CUL3: variants seen among roughly 807,000 people sequenced by gnomAD.
CUL3 encodes the protein cullin 3.
A neutral mutation model predicts 89.1 loss-of-function variants in CUL3; 19 were observed. The observed-to-expected ratio is 0.21, with a 90% CI of 0.15 to 0.31. CUL3 has a LOEUF of 0.31. CUL3 is among the 10% of genes least tolerant of loss of function. The pLI, the probability that CUL3 is intolerant of heterozygous loss-of-function variation, is 1.00. For synonymous variants in CUL3, 351 were observed against 308.4 expected (o/e 1.14, Z -1.45); for missense variants, 469 against 942.3 (o/e 0.50, Z 6.58).
At chr2:224,520,535 C>T (rs1693223616) in intron 3 of CUL3, among the ~76,000 whole-genome samples, 1 of 152,204 alleles carries the variant, frequency 6.6e-6, no homozygotes, top group Non-Finnish European at 1.5e-5. Flanking sequence ...ACTTCCCTGC[C>T]AACAACTATA....
At chr2:224,518,213 A>G (rs975410072) in intron 3 of CUL3, among the ~76,000 whole-genome samples, 1 of 152,284 alleles carries the variant, frequency 6.6e-6, no homozygotes, top group Non-Finnish European at 1.5e-5. Context: ...CATTTCATAT[A>G]ATTATCCTGT....
chr2:224,567,198 G>A lies in CUL3; in HGVS notation c.67-9342C>T, dbSNP rs1695062328. The stretch of plus-strand genomic sequence containing the variant: ...GAAACTGCTCACACGAAGATGATTA[G>A]TCACAAGGTGTTTTTCTCTTTGTTT... On this transcript the variant is annotated intron_variant, in intron 1 of 15. Transcript: ENST00000264414. 3.3e-5 allele frequency among the ~76,000 whole-genome samples: 5 copies of A among 152,106 alleles called. No individual in the cohort carries two copies. The South Asian group carries it at 1.0e-3, about 32-fold the overall frequency.
At chr2:224,571,882 C>T (rs1372514656) in intron 1 of CUL3, among the ~76,000 whole-genome samples, 2 of 152,154 alleles carry the variant, frequency 1.3e-5, no homozygotes, top group African/African-American at 4.8e-5. Flanking sequence ...ATTTTTGGAG[C>T]TAGAATAAGC....
chr2:224,495,640 T>G (rs777180810), intron 13 of CUL3, 192 bp downstream of exon 13: 5 of 436,034 alleles, frequency 1.1e-5, no homozygotes, highest in Non-Finnish European at 2.0e-5. Flanking sequence ...AGTACTTCTA[T>G]AAAGTTAATT....
chr2:224,557,054 C>T (rs376996728), intron 2 of CUL3, among the ~76,000 whole-genome samples: 9 of 152,062 alleles, frequency 5.9e-5, no homozygotes, highest in African/African-American at 2.2e-4. Flanking sequence ...TAAAGCAAGG[C>T]ATTGTAATAA....
intron 1 of CUL3, 96 bp from the exon 2 acceptor site, chr2:224,557,952 T>C: frequency 1.5e-6 from 1 of 677,178 alleles, no homozygotes; most frequent in Non-Finnish European, 2.4e-6. Context: ...TAGTAAATAT[T>C]GTATTATATA....
intron 13 of CUL3, among the ~76,000 whole-genome samples, chr2:224,492,857 G>A (rs1574624458): frequency 1.3e-5 from 2 of 152,276 alleles, no homozygotes; most frequent in East Asian, 3.9e-4. Flanking sequence ...AGATCAAAAA[G>A]GCACTGCAGG....
At chr2:224,565,453 C>G (rs184977780) in intron 1 of CUL3, among the ~76,000 whole-genome samples, 44 of 152,272 alleles carry the variant, frequency 2.9e-4, no homozygotes, top group African/African-American at 9.6e-4. Flanking sequence ...TACTCTGTAA[C>G]TTCACAAAAA....
intron 2 of CUL3, among the ~76,000 whole-genome samples, chr2:224,548,252 T>A (rs984253800): frequency 3.9e-5 from 6 of 152,220 alleles, no homozygotes; most frequent in Non-Finnish European, 8.8e-5. Flanking sequence ...AAGGCAGGAA[T>A]CTTTCCTTGA....
intron 2 of CUL3, among the ~76,000 whole-genome samples, chr2:224,547,650 A>C (rs1694354726): frequency 6.6e-6 from 1 of 152,156 alleles, no homozygotes; most frequent in Non-Finnish European, 1.5e-5. Context: ...CTCTGAAATG[A>C]ATCTGAATTT....
chr2:224,538,561 G>C (rs1693976361), intron 2 of CUL3, among the ~76,000 whole-genome samples: 1 of 152,258 alleles, frequency 6.6e-6, no homozygotes, highest in African/African-American at 2.4e-5. Context: ...AAATGGGAGG[G>C]AACCCTGCTG....
chr2:224,504,525 T>C (rs1259928206), intron 8 of CUL3, among the ~76,000 whole-genome samples: 3 of 152,190 alleles, frequency 2.0e-5, no homozygotes, highest in African/African-American at 7.2e-5. Context: ...GTCAGGCTGG[T>C]CTTGAACTCC....
chr2:224,508,326 C>A (rs1198528764), intron 6 of CUL3, among the ~76,000 whole-genome samples: 1 of 152,074 alleles, frequency 6.6e-6, no homozygotes, highest in Non-Finnish European at 1.5e-5. Flanking sequence ...CCATAGTAAC[C>A]TACACATGGC....
intron 14 of CUL3, chr2:224,479,589 A>G (rs1318910481): frequency 6.6e-6 from 1 of 152,202 alleles, no homozygotes; most frequent in Non-Finnish European, 1.5e-5. Context: ...TAAACAGATG[A>G]CATGAAATTA....
chr2:224,490,821 G>A (rs1384684652), intron 13 of CUL3, among the ~76,000 whole-genome samples: 1 of 151,850 alleles, frequency 6.6e-6, no homozygotes, highest in Non-Finnish European at 1.5e-5. Context: ...TTTAAATAAT[G>A]TTAACTTGTA....
intron 13 of CUL3, among the ~76,000 whole-genome samples, chr2:224,490,824 A>G (rs191879751): frequency 2.6e-5 from 4 of 152,258 alleles, no homozygotes; most frequent in Non-Finnish European, 4.4e-5. Context: ...AAATAATGTT[A>G]ACTTGTATAC....
intron 10 of CUL3, among the ~76,000 whole-genome samples, chr2:224,500,861 T>A (rs1420001632): frequency 6.6e-6 from 1 of 152,064 alleles, no homozygotes; most frequent in Non-Finnish European, 1.5e-5. Context: ...TGACCTCAGA[T>A]GATCTGCCCG....
At position 224,513,643 on chromosome 2, in the gene CUL3, C is replaced by T. The variant is rs747752633; in HGVS notation, c.540-5G>A. On this transcript the variant is annotated splice_polypyrimidine_tract_variant and splice_region_variant and intron_variant, in intron 4 of 15. Transcript: ENST00000264414. ...CAAGCATTTCTTATTGCGCCTCTGT[C>T]GAAAAAAGTTATTATCACTTGATAA... is the stretch of plus-strand genomic sequence containing the variant. 7.1e-6 allele frequency: 11 copies of T among 1,550,106 alleles called. No individual in the cohort carries two copies. The highest frequency in any genetic ancestry group is 4.3e-5 in the African/African-American group (3 of 69,910).
In CUL3 at chr2:224,494,628, G is replaced by A. The variant is rs372397874; in HGVS notation, c.1842+1204C>T. ...GATCAATTGATTTTTAAATAATGAC[G>A]ACAAGGTAATTCGGTGGGAAAAAAA... On this transcript the variant is annotated intron_variant, in intron 13 of 15. Transcript: ENST00000264414. Among the ~76,000 whole-genome samples, 30 of 151,958 alleles carry A rather than the reference G, an allele frequency of 2.0e-4. 1 individual carries two copies. The highest frequency in any genetic ancestry group is 1.2e-3 in the East Asian group (6 of 5,190).
Sources: allele counts gnomAD v4.1 joint callset (sites outside exome capture counted in the v4.1 genomes callset), GRCh38; gene constraint gnomAD v4.1.1; transcripts MANE v1.5; gene names NCBI Gene and HGNC (gene_info 2026-07-23, HGNC 2026-07-21).